Variants in EDNRA observed in about 807,000 individuals in gnomAD.
EDNRA encodes the protein endothelin receptor type A.
Under a neutral mutation model 41.4 loss-of-function variants are expected in EDNRA, and 11 were observed. That is an observed-to-expected ratio of 0.27 (90% CI 0.17 to 0.44). EDNRA has a LOEUF of 0.44. Among genes scored for constraint, EDNRA ranks in the 20% least tolerant of loss-of-function variants. The pLI is 1.00. For synonymous variants in EDNRA, 172 were observed against 183.0 expected, an observed-to-expected ratio of 0.94 and a Z score of 0.49; for missense variants, 294 against 531.0, an observed-to-expected ratio of 0.55 and a Z score of 4.39.
intron 4 of EDNRA, 152 bp downstream of exon 4, chr4:147,532,856 G>C (rs1205570801): frequency 2.6e-6 from 2 of 767,176 alleles, no homozygotes; most frequent in Non-Finnish European, 4.2e-6. Context: ...TGTTAAACCT[G>C]TGTCTAGATT....
intron 7 of EDNRA, among the ~76,000 whole-genome samples, chr4:147,542,009 TCTCATTATCCTCTCTGGAC>T (rs1273573773): frequency 6.6e-6 from 1 of 152,156 alleles, no homozygotes; most frequent in Non-Finnish European, 1.5e-5. Context: ...CAGTTCTAAC[TCTCATTATCCTCTCTGGAC>T]CTCACTGTCC....
Position 147,544,486 on chromosome 4 carries a change from C to G in EDNRA, c.*1868C>G, listed in dbSNP as rs1381922969. Reference sequence around the variant, plus strand: ...CTTTCAGACTTCGCCAGACAGATTGCTGATAATAAATTAGGTAAGATAATT... The same window carrying G: ...CTTTCAGACTTCGCCAGACAGATTGGTGATAATAAATTAGGTAAGATAATT... On this transcript the variant is annotated 3_prime_UTR_variant, in exon 8 of 8. Transcript: ENST00000651419. 1 of 152,578 alleles carries G rather than the reference C, an allele frequency of 6.6e-6. No individual in the cohort carries two copies. The highest frequency in any genetic ancestry group is 1.5e-5 in the Non-Finnish European group (1 of 68,030). 9.5% of individuals were successfully genotyped at this position (152,578 alleles called of 1,614,324 possible).
intron 2 of EDNRA, among the ~76,000 whole-genome samples, chr4:147,502,702 G>A (rs1008997644): frequency 1.3e-5 from 2 of 152,180 alleles, no homozygotes; most frequent in African/African-American, 4.8e-5. Flanking sequence ...CCTTTCCACT[G>A]TTCAGGCAGT....
intron 2 of EDNRA, among the ~76,000 whole-genome samples, chr4:147,514,458 T>C (rs1055347220): frequency 6.6e-6 from 1 of 151,292 alleles, no homozygotes; most frequent in African/African-American, 2.4e-5. Flanking sequence ...CCCAACACGA[T>C]TTTTTCTTTT....
intron 4 of EDNRA, among the ~76,000 whole-genome samples, chr4:147,533,555 T>C (rs1730822587): frequency 6.6e-6 from 1 of 152,224 alleles, no homozygotes; most frequent in Non-Finnish European, 1.5e-5. Flanking sequence ...ATTCACAGAA[T>C]TCGTGGTTTT....
At chr4:147,520,022 A>C (rs1348516505) in intron 3 of EDNRA, 44 bp downstream of exon 3, 1 of 1,566,308 alleles carries the variant, frequency 6.4e-7, no homozygotes, top group African/African-American at 1.4e-5. Context: ...GGCTTAGAAA[A>C]GCATTTTTCT....
intron 2 of EDNRA, among the ~76,000 whole-genome samples, chr4:147,513,999 T>C (rs1730011076): frequency 6.6e-6 from 1 of 152,252 alleles, no homozygotes; most frequent in Admixed American, 6.5e-5. Flanking sequence ...TAAGTTCGTT[T>C]ATATTTTCAT....
In EDNRA at chr4:147,519,700, A is replaced by G. The variant is rs1730246483; in HGVS notation, c.421-151A>G. On this transcript the variant is annotated intron_variant, in intron 2 of 7. Coordinates refer to ENST00000651419, the MANE Select transcript of EDNRA (RefSeq NM_001957.4). This position sits in a 1 kb window ranked among gnomAD's most constrained non-coding sequence, Gnocchi z 4.1. ...TGAGGCTTTAAAATACGAAAGAAAA[A>G]AATAACAATTCTAATACTCTTTTGC... is the stretch of plus-strand genomic sequence containing the variant. The G allele has an allele frequency of 4.5e-6, 4 of 888,940 alleles. No homozygotes were observed. The highest frequency in any genetic ancestry group is 6.3e-6 in the Non-Finnish European group (4 of 635,890). 55.1% of individuals were successfully genotyped at this position (888,940 alleles called of 1,614,324 possible). A position where few individuals can be genotyped will look rare whatever the true frequency, so the allele number is the denominator to read the frequency against.
chr4:147,532,854 C>A (rs892327377), intron 4 of EDNRA, 150 bp downstream of exon 4: 2 of 781,332 alleles, frequency 2.6e-6, no homozygotes, highest in East Asian at 2.7e-5. Context: ...GATGTTAAAC[C>A]TGTGTCTAGA....
intron 2 of EDNRA, among the ~76,000 whole-genome samples, chr4:147,510,189 G>A (rs1373181571): frequency 1.3e-5 from 2 of 152,168 alleles, no homozygotes; most frequent in Non-Finnish European, 2.9e-5. Context: ...CTTTGAGAGA[G>A]ATGGAAAGGA....
At chr4:147,520,956 C>T (rs1447798700) in intron 3 of EDNRA, among the ~76,000 whole-genome samples, 1 of 151,990 alleles carries the variant, frequency 6.6e-6, no homozygotes. Flanking sequence ...GAATGGTATC[C>T]TTGTTATAAA....
intron 2 of EDNRA, among the ~76,000 whole-genome samples, chr4:147,501,783 T>A (rs1048566689): frequency 6.6e-6 from 1 of 152,212 alleles, no homozygotes; most frequent in Admixed American, 6.5e-5. Flanking sequence ...ATTGTTCCAA[T>A]CTTTTGTTTT....
At chr4:147,497,533 T>C (rs765976982) in intron 2 of EDNRA, among the ~76,000 whole-genome samples, 3 of 152,066 alleles carry the variant, frequency 2.0e-5, no homozygotes, top group Non-Finnish European at 2.9e-5. Flanking sequence ...CCAATAAAGT[T>C]AGCCTGGATA....
chr4:147,536,705 G>A (rs571871730), intron 5 of EDNRA, among the ~76,000 whole-genome samples: 7 of 152,346 alleles, frequency 4.6e-5, no homozygotes, highest in Admixed American at 2.0e-4. Context: ...ATGGGATCAT[G>A]TACATTAGAA....
intron 3 of EDNRA, among the ~76,000 whole-genome samples, chr4:147,523,480 G>GT (rs1288499519): frequency 4.3e-5 from 6 of 140,582 alleles, no homozygotes; most frequent in African/African-American, 1.4e-4. Context: ...TGTTGTTGTT[G>GT]TTTTTTTGTT....
chr4:147,532,404 G>A (rs929344586), intron 3 of EDNRA, 102 bp from the exon 4 acceptor site: 1 of 886,340 alleles, frequency 1.1e-6, no homozygotes, highest in Admixed American at 1.9e-5. Context: ...ACAATTACTG[G>A]TATTGGCAAT....
intron 2 of EDNRA, chr4:147,488,451 A>G (rs1431513641): frequency 6.6e-6 from 1 of 152,230 alleles, no homozygotes; most frequent in Non-Finnish European, 1.5e-5. Context: ...TACTTTGTAT[A>G]CCTTACTGTA....
chr4:147,544,079 A>C lies in EDNRA; in HGVS notation c.*1461A>C, dbSNP rs1446908741. 6.6e-6 allele frequency: 1 copy of C among 152,518 alleles called. No homozygotes were observed. Among genetic ancestry groups the C allele is most frequent in the African/African-American group, 2.4e-5 (1 of 41,388 alleles). 9.4% of individuals were successfully genotyped at this position (152,518 alleles called of 1,614,324 possible). ...ATATATTTGTGTGTGTGATATATGC[A>C]TGTGTGTGATGGTATGTATGGATTT... On this transcript the variant is annotated 3_prime_UTR_variant, in exon 8 of 8. Transcript: ENST00000651419.
chr4:147,525,591 G>A (rs1206571488), intron 3 of EDNRA, among the ~76,000 whole-genome samples: 3 of 96,324 alleles, frequency 3.1e-5, no homozygotes, highest in Non-Finnish European at 5.6e-5. Context: ...AGTTTGTTTG[G>A]AGGCAAAAAA....
Sources: gnomAD v4.1 joint callset for allele counts (sites outside exome capture counted in the v4.1 genomes callset) on GRCh38, gnomAD v4.1.1 for gene constraint, Gnocchi (gnomAD v3.1) non-coding constraint, MANE v1.5 for transcripts, NCBI Gene and HGNC (gene_info 2026-07-23, HGNC 2026-07-21) for gene names.